The following DPYD variants were observed in gnomAD, a reference collection of about 807,000 sequenced individuals.
The protein encoded by DPYD is dihydropyrimidine dehydrogenase, also known as dihydropyrimidine dehydrogenase [NADP(+)].
In DPYD, 109 loss-of-function variants were observed where a neutral mutation model predicts 116.2. That is an observed-to-expected ratio of 0.94 (90% confidence interval 0.80 to 1.10). The LOEUF (loss-of-function observed/expected upper bound fraction) is 1.10. Among genes scored for constraint, DPYD ranks in the 50% least tolerant of loss-of-function variants. DPYD has a pLI of 0.00. For synonymous variants in DPYD, 440 were observed against 432.0 expected (o/e 1.02, Z -0.23); for missense variants, 1,302 against 1,254.5 (o/e 1.04, Z -0.57).
intron 20 of DPYD, among the ~76,000 whole-genome samples, chr1:97,188,315 G>A (rs369106429): frequency 2.6e-5 from 4 of 152,130 alleles, no homozygotes; most frequent in South Asian, 2.1e-4. Flanking sequence ...TAATTTGGCA[G>A]GTTTATTGTT....
At chr1:97,558,696 T>C (rs1211540221) in intron 11 of DPYD, among the ~76,000 whole-genome samples, 3 of 152,178 alleles carry the variant, frequency 2.0e-5, no homozygotes, top group Admixed American at 6.6e-5. Flanking sequence ...ATGTCAATAA[T>C]AGCCTATAGC....
intron 21 of DPYD, among the ~76,000 whole-genome samples, chr1:97,091,830 T>C (rs1649917047): frequency 6.6e-6 from 1 of 152,204 alleles, no homozygotes; most frequent in Non-Finnish European, 1.5e-5. Flanking sequence ...TCCTTGTTTC[T>C]GCCCTTGCCC....
intron 1 of DPYD, among the ~76,000 whole-genome samples, chr1:97,889,021 G>T (rs1425206742): frequency 6.6e-6 from 1 of 151,994 alleles, no homozygotes; most frequent in Non-Finnish European, 1.5e-5. Context: ...GCCAGGCATG[G>T]TCGTGGGTGC....
chr1:97,721,717 T>C (rs1328631907), intron 4 of DPYD, 46 bp from the exon 5 acceptor site: 10 of 1,557,810 alleles, frequency 6.4e-6, no homozygotes, highest in Non-Finnish European at 8.8e-6. Context: ...AAAAATATAC[T>C]TTAAACAGCC....
In DPYD at chr1:97,289,446, C is replaced by G. The variant is rs564407685; in HGVS notation, c.2299+15813G>C. Among the ~76,000 whole-genome samples, 12 of 152,124 alleles carry G rather than the reference C, an allele frequency of 7.9e-5. No homozygotes were observed. In the East Asian group the frequency reaches 1.2e-3, roughly 15 times the overall value. On this transcript the variant is annotated intron_variant, in intron 18 of 22. Transcript: ENST00000370192. ...TGATGCAAAAATCCTCAATAAAATA[C>G]TGGCAAAACGAATCCAGCAGCACAT...
intron 3 of DPYD, among the ~76,000 whole-genome samples, chr1:97,790,030 T>A (rs1667232255): frequency 6.6e-6 from 1 of 152,144 alleles, no homozygotes; most frequent in African/African-American, 2.4e-5. Flanking sequence ...GAGGTATTTG[T>A]GGGAGGTGGG....
chr1:97,324,977 T>C (rs990069361), intron 16 of DPYD, among the ~76,000 whole-genome samples: 1 of 152,084 alleles, frequency 6.6e-6, no homozygotes, highest in Non-Finnish European at 1.5e-5. Flanking sequence ...ACAAGGATCT[T>C]TCATTTATCC....
In DPYD at chr1:97,456,138, G is replaced by A. The variant is rs906712223; in HGVS notation, c.1741-5915C>T. ...ATGGTTGCATATCTAGTAAGCATTCGAGATGAGACTAGAACTCAGGTGTGC... is the reference window on the plus strand; with the variant it reads ...ATGGTTGCATATCTAGTAAGCATTCAAGATGAGACTAGAACTCAGGTGTGC... On this transcript the variant is annotated intron_variant, in intron 13 of 22. Transcript: ENST00000370192. Among the ~76,000 whole-genome samples, 6 of 150,928 alleles carry A rather than the reference G, an allele frequency of 4.0e-5. No homozygotes were observed. The East Asian group carries it at 7.7e-4, about 19-fold the overall frequency.
At chr1:97,323,405 T>A (rs1287207112) in intron 16 of DPYD, among the ~76,000 whole-genome samples, 1 of 95,954 alleles carries the variant, frequency 1.0e-5, no homozygotes, top group South Asian at 2.7e-4. Context: ...TACATATGTG[T>A]ATATGTACAC....
intron 8 of DPYD, among the ~76,000 whole-genome samples, chr1:97,596,249 T>C (rs1654877838): frequency 2.0e-5 from 3 of 152,148 alleles, no homozygotes; most frequent in African/African-American, 7.2e-5. Context: ...TATAGTATAA[T>C]TCAAATTTTG....
chr1:97,749,919 C>T (rs1472584939), intron 3 of DPYD, among the ~76,000 whole-genome samples: 1 of 151,964 alleles, frequency 6.6e-6, no homozygotes, highest in African/African-American at 2.4e-5. Flanking sequence ...TTCACCTGGA[C>T]CATTTCCCCA....
At chr1:97,572,646 T>G (rs1002342731) in intron 11 of DPYD, among the ~76,000 whole-genome samples, 3 of 151,972 alleles carry the variant, frequency 2.0e-5, no homozygotes, top group African/African-American at 7.2e-5. Context: ...TTCAGTTAAA[T>G]AAATAAACTA....
At chr1:97,140,336 T>C (rs1023525503) in intron 20 of DPYD, among the ~76,000 whole-genome samples, 3 of 152,002 alleles carry the variant, frequency 2.0e-5, no homozygotes, top group African/African-American at 7.2e-5. Flanking sequence ...TATAACTACA[T>C]TGAAAGCCCT....
rs1405354516 is a variant in DPYD, at chr1:97,586,503, T to C, written c.1128+6715A>G. 4.0e-4 allele frequency among the ~76,000 whole-genome samples: 47 copies of C among 118,190 alleles called. 1 individual carries two copies. The highest frequency in any genetic ancestry group is 6.1e-4 in the Non-Finnish European group (35 of 56,948). The allele number at this position is 118,190 out of a possible 152,430, so 77.5% of individuals were successfully genotyped here. On this transcript the variant is annotated intron_variant, in intron 10 of 22. Coordinates refer to ENST00000370192, the MANE Select transcript of DPYD (RefSeq NM_000110.4). ...ATATATATATATATATATATATATA[T>C]ATATATATATATATATGCTGTGAAA...
intron 19 of DPYD, among the ~76,000 whole-genome samples, chr1:97,208,311 G>T (rs1178674790): frequency 3.0e-5 from 4 of 133,780 alleles, no homozygotes; most frequent in African/African-American, 8.5e-5. Flanking sequence ...TTTTTGACAG[G>T]GTCTCACTCT....
At chr1:97,137,442 T>C (rs1411923012) in intron 20 of DPYD, among the ~76,000 whole-genome samples, 2 of 152,232 alleles carry the variant, frequency 1.3e-5, no homozygotes, top group Non-Finnish European at 2.9e-5. Context: ...TTTAGTACAT[T>C]GTGTAGCATT....
intron 19 of DPYD, among the ~76,000 whole-genome samples, chr1:97,220,247 A>G (rs1339172307): frequency 1.3e-5 from 2 of 152,010 alleles, no homozygotes; most frequent in Non-Finnish European, 2.9e-5. Context: ...ATACGAAGAG[A>G]AAGAAAGACC....
At chr1:97,176,380 A>T (rs1377537181) in intron 20 of DPYD, among the ~76,000 whole-genome samples, 1 of 152,110 alleles carries the variant, frequency 6.6e-6, no homozygotes, top group Non-Finnish European at 1.5e-5. Context: ...TGGAGGTGGC[A>T]ACTACTGCTG....
chr1:97,866,269 CAT>C (rs904038088), intron 2 of DPYD, among the ~76,000 whole-genome samples: 3 of 151,980 alleles, frequency 2.0e-5, no homozygotes, highest in African/African-American at 7.2e-5. Flanking sequence ...AGCAATTACT[CAT>C]GTGGTGGCTA....
Sources: gnomAD v4.1 joint callset for allele counts (sites outside exome capture counted in the v4.1 genomes callset) on GRCh38, gnomAD v4.1.1 for gene constraint, MANE v1.5 for transcripts, NCBI Gene and HGNC (gene_info 2026-07-23, HGNC 2026-07-21) for gene names.